BICD1: variants seen among roughly 807,000 people sequenced by gnomAD.
The protein encoded by BICD1 is BICD cargo adaptor 1.
A neutral mutation model predicts 92.5 loss-of-function variants in BICD1; 35 were observed. That is an observed-to-expected ratio of 0.38 (90% confidence interval 0.29 to 0.50). The LOEUF (loss-of-function observed/expected upper bound fraction) is 0.50, where lower values mean the gene tolerates loss of function less well. Ranked by LOEUF, BICD1 falls within the 20% of genes least tolerant of loss-of-function variation. The pLI is 0.93. For synonymous variants in BICD1, 429 were observed against 465.1 expected, an observed-to-expected ratio of 0.92 and a Z score of 1.00; for missense variants, 950 against 1,189.8, an observed-to-expected ratio of 0.80 and a Z score of 2.97.
intron 1 of BICD1, among the ~76,000 whole-genome samples, chr12:32,116,472 C>CTGTCG (rs1565524809): frequency 9.8e-6 from 1 of 102,260 alleles, no homozygotes; most frequent in Non-Finnish European, 2.2e-5. Flanking sequence ...GTCTCTCTCT[C>CTGTCG]TCTCTCTCTC....
At chr12:32,200,771 C>T (rs1181351361) in intron 1 of BICD1, among the ~76,000 whole-genome samples, 1 of 151,910 alleles carries the variant, frequency 6.6e-6, no homozygotes, top group African/African-American at 2.4e-5. Context: ...GATTTTCAGA[C>T]TGAGGCAGTT....
intron 1 of BICD1, among the ~76,000 whole-genome samples, chr12:32,171,505 G>A (rs573165054): frequency 9.8e-5 from 15 of 152,314 alleles, no homozygotes; most frequent in South Asian, 2.1e-4. Context: ...CCTTCAGGGC[G>A]TTCTTCTTCT....
intron 2 of BICD1, among the ~76,000 whole-genome samples, chr12:32,276,779 TA>T (rs1291948022): frequency 3.3e-5 from 5 of 152,224 alleles, no homozygotes; most frequent in African/African-American, 1.2e-4. Flanking sequence ...AGTGATTTTT[TA>T]AAAAACTGCC....
At chr12:32,116,559 G>A (rs140994342) in intron 1 of BICD1, among the ~76,000 whole-genome samples, 1 of 132,884 alleles carries the variant, frequency 7.5e-6, no homozygotes, top group East Asian at 2.4e-4. Context: ...TCACTCTGTC[G>A]CTCTGACTGA....
intron 1 of BICD1, among the ~76,000 whole-genome samples, chr12:32,176,915 T>C (rs1182278927): frequency 6.6e-6 from 1 of 152,020 alleles, no homozygotes; most frequent in African/African-American, 2.4e-5. Flanking sequence ...GATTTCATTT[T>C]TCTTGGGTGA....
At chr12:32,131,167 A>C (rs1942533125) in intron 1 of BICD1, among the ~76,000 whole-genome samples, 1 of 152,198 alleles carries the variant, frequency 6.6e-6, no homozygotes, top group Non-Finnish European at 1.5e-5. Flanking sequence ...TCATATTTTA[A>C]AGTCCAGTTG....
At chr12:32,336,165 TCA>T (rs1413317907) in intron 6 of BICD1, among the ~76,000 whole-genome samples, 1 of 152,244 alleles carries the variant, frequency 6.6e-6, no homozygotes, top group African/African-American at 2.4e-5. Flanking sequence ...TTGTCTATTT[TCA>T]CAGACTTTTT....
intron 4 of BICD1, among the ~76,000 whole-genome samples, chr12:32,317,019 C>T (rs943813813): frequency 2.0e-5 from 3 of 152,132 alleles, no homozygotes; most frequent in African/African-American, 7.2e-5. Flanking sequence ...ATCCATGTTC[C>T]TACAAAGGAC....
rs1042800262 is a variant in BICD1 at position 32,217,469 on chromosome 12, G to A, written c.426+1010G>A. Among the ~76,000 whole-genome samples, 11 of 152,240 alleles carry A rather than the reference G, an allele frequency of 7.2e-5. No individual in the cohort carries two copies. In the East Asian group the frequency reaches 7.7e-4, roughly 11 times the overall value. On this transcript the variant is annotated intron_variant, in intron 2 of 9. Transcript: ENST00000652176. Reference sequence around the variant, plus strand: ...TATTGGAATTTTCTAGATAATTTACGTTTACACATGTCCATATTACAATGA... The same window carrying A: ...TATTGGAATTTTCTAGATAATTTACATTTACACATGTCCATATTACAATGA...
intron 1 of BICD1, among the ~76,000 whole-genome samples, chr12:32,194,316 A>G (rs1040731500): frequency 6.6e-6 from 1 of 152,150 alleles, no homozygotes; most frequent in Non-Finnish European, 1.5e-5. Context: ...CACACTCACC[A>G]CTTCTGTTAT....
intron 2 of BICD1, among the ~76,000 whole-genome samples, chr12:32,225,561 T>TAA (rs1413576993): frequency 6.6e-6 from 1 of 151,962 alleles, no homozygotes; most frequent in East Asian, 1.9e-4. Context: ...TAGCAATGTG[T>TAA]AAAAGTTCCT....
At chr12:32,300,101 A>G (rs1947991956) in intron 3 of BICD1, among the ~76,000 whole-genome samples, 1 of 151,724 alleles carries the variant, frequency 6.6e-6, no homozygotes, top group Non-Finnish European at 1.5e-5. Context: ...TCCGGAGGAC[A>G]TACTATTTTT....
At chr12:32,367,423 T>A (rs1289355622) in intron 8 of BICD1, 2 of 388,950 alleles carry the variant, frequency 5.1e-6, no homozygotes, top group African/African-American at 2.0e-5. Context: ...TATATCCTAA[T>A]GTACTTGAGA....
At chr12:32,333,089 C>T in intron 5 of BICD1, 1 of 984,368 alleles carries the variant, frequency 1.0e-6, no homozygotes, top group Non-Finnish European at 1.2e-6. Context: ...TGTTATCCCC[C>T]ATTTTATTCC....
At chr12:32,122,238 A>AG (rs1408885818) in intron 1 of BICD1, among the ~76,000 whole-genome samples, 10 of 151,586 alleles carry the variant, frequency 6.6e-5, no homozygotes, top group African/African-American at 2.2e-4. Flanking sequence ...CGAGGTCAGG[A>AG]AATCGAGACC....
At chr12:32,341,779 T>TGTA in intron 8 of BICD1, among the ~76,000 whole-genome samples, 1 of 152,284 alleles carries the variant, frequency 6.6e-6, no homozygotes, top group East Asian at 1.9e-4. Context: ...CCAAATAAAT[T>TGTA]GTAGCTTCTA....
At chr12:32,375,977 A>G (rs1939939063) in intron 9 of BICD1, among the ~76,000 whole-genome samples, 2 of 152,142 alleles carry the variant, frequency 1.3e-5, no homozygotes, top group South Asian at 4.1e-4. Context: ...AATGAATTAT[A>G]TAGTACTGAC....
At position 32,305,883 on chromosome 12, in the gene BICD1, A is replaced by G; in HGVS notation, c.766A>G (p.Ile256Val). 6.2e-7 allele frequency: 1 copy of G among 1,614,204 alleles called. No homozygotes were observed. The highest frequency in any genetic ancestry group is 8.5e-7 in the Non-Finnish European group (1 of 1,180,034). Residue 256 changes from isoleucine to valine, a missense_variant, in exon 4 of 10, where the codon ATC becomes GTC. Around this residue, in one of 5 missense-constraint regions of BICD1, gnomAD observed 246 missense variants for 258.4 expected, o/e 0.95. Transcript: ENST00000652176. The stretch of plus-strand genomic sequence containing the variant: ...CCTGCGGAAGGAGCTCTCCCAGTAT[A>G]TCAGCCTCAATGATAACCATATCAG... ...NNLRKELSQY[I>V]SLNDNHISIS...
intron 8 of BICD1, among the ~76,000 whole-genome samples, chr12:32,343,543 T>A (rs1938461124): frequency 6.6e-6 from 1 of 152,154 alleles, no homozygotes; most frequent in Non-Finnish European, 1.5e-5. Context: ...TTGAACTCAA[T>A]CTGGAAGTAA....
Sources: gnomAD v4.1 joint callset for allele counts (sites outside exome capture counted in the v4.1 genomes callset) on GRCh38, gnomAD v4.1.1 for gene constraint, gnomAD v4.1.1 regional missense constraint, MANE v1.5 for transcripts, NCBI Gene and HGNC (gene_info 2026-07-23, HGNC 2026-07-21) for gene names.